The following UTRN variants were observed in gnomAD, a reference collection of about 807,000 sequenced individuals.
The protein encoded by UTRN is utrophin.
UTRN carries 283 observed loss-of-function variants against 463.9 expected under a neutral mutation model. The ratio of observed to expected loss-of-function variants is 0.61; its 90% CI spans 0.55 to 0.67. The LOEUF is 0.67. UTRN is among the 30% of genes least tolerant of loss of function. The pLI is 0.00. For synonymous variants in UTRN, 1,442 were observed against 1,431.5 expected, an observed-to-expected ratio of 1.01 and a Z score of -0.17; for missense variants, 3,922 against 4,084.3, an observed-to-expected ratio of 0.96 and a Z score of 1.08.
chr6:144,312,664 C>G (rs1385602782), intron 2 of UTRN, among the ~76,000 whole-genome samples: 3 of 152,148 alleles, frequency 2.0e-5, no homozygotes, highest in Non-Finnish European at 2.9e-5. Context: ...ATAGACTAAG[C>G]CTTTTCATGG....
intron 2 of UTRN, among the ~76,000 whole-genome samples, chr6:144,387,233 C>A (rs1252356422): frequency 6.6e-6 from 1 of 152,168 alleles, no homozygotes; most frequent in Non-Finnish European, 1.5e-5. Flanking sequence ...ACCTCCGCCT[C>A]CTGGGTTCAA....
At chr6:144,841,202 G>A (rs1287274702) in intron 73 of UTRN, among the ~76,000 whole-genome samples, 1 of 152,166 alleles carries the variant, frequency 6.6e-6, no homozygotes, top group Non-Finnish European at 1.5e-5. Context: ...GCCAAACAAG[G>A]CATGGAAACA....
intron 46 of UTRN, among the ~76,000 whole-genome samples, chr6:144,545,803 T>A (rs1798348010): frequency 6.6e-6 from 1 of 152,226 alleles, no homozygotes; most frequent in African/African-American, 2.4e-5. Context: ...GTGGATCACC[T>A]GAGGTCAGGA....
intron 2 of UTRN, among the ~76,000 whole-genome samples, chr6:144,328,069 C>T (rs1464745970): frequency 6.6e-6 from 1 of 152,122 alleles, no homozygotes; most frequent in Non-Finnish European, 1.5e-5. Flanking sequence ...GAGTGTAATA[C>T]ATTCCGCAAC....
chr6:144,636,872 A>T (rs1484517320), intron 51 of UTRN, among the ~76,000 whole-genome samples: 1 of 152,124 alleles, frequency 6.6e-6, no homozygotes, highest in African/African-American at 2.4e-5. Context: ...TTTAAGTTTG[A>T]TTACAAACTG....
At chr6:144,516,140 T>G (rs1795591738) in intron 37 of UTRN, 89 bp from the exon 38 acceptor site, 3 of 1,321,274 alleles carry the variant, frequency 2.3e-6, no homozygotes, top group Non-Finnish European at 3.2e-6. Flanking sequence ...AAAAAAGTGT[T>G]AGTTTCTCTC....
intron 51 of UTRN, among the ~76,000 whole-genome samples, chr6:144,649,029 A>G (rs2128665808): frequency 6.6e-6 from 1 of 152,312 alleles, no homozygotes; most frequent in African/African-American, 2.4e-5. Flanking sequence ...GGCAACATGT[A>G]AATAAGGTAC....
At chr6:144,490,455 A>G (rs754579789) in intron 31 of UTRN, among the ~76,000 whole-genome samples, 4 of 152,172 alleles carry the variant, frequency 2.6e-5, no homozygotes, top group Non-Finnish European at 5.9e-5. Flanking sequence ...TTAGCTTTAT[A>G]TACACTTTTT....
chr6:144,722,278 T>A (rs1360600045), intron 53 of UTRN, among the ~76,000 whole-genome samples: 1 of 151,902 alleles, frequency 6.6e-6, no homozygotes, highest in African/African-American at 2.4e-5. Flanking sequence ...AGATTGCTCT[T>A]TTGCCAGATA....
intron 9 of UTRN, among the ~76,000 whole-genome samples, chr6:144,434,601 G>A (rs142293723): frequency 9.7e-4 from 148 of 152,204 alleles, no homozygotes; most frequent in African/African-American, 3.5e-3. Context: ...GAAAATAGTG[G>A]GATATGAGAG....
intron 51 of UTRN, among the ~76,000 whole-genome samples, chr6:144,609,623 T>C (rs1358021620): frequency 6.6e-6 from 1 of 152,158 alleles, no homozygotes; most frequent in Non-Finnish European, 1.5e-5. Flanking sequence ...AGCAACAGAA[T>C]ACACGTTCTT....
rs9497056 is a variant in UTRN, at chr6:144,714,158, C to T, written c.7809+13915C>T. Among the ~76,000 whole-genome samples the T allele has an allele frequency of 3.7e-3, 569 of 152,100 alleles. 1 individual carries two copies. The highest frequency in any genetic ancestry group is 0.013 in the African/African-American group (528 of 41,496). ...TTTTTAAATTTTGTCTGCATACCAA[C>T]GGAAAGTAAGCCTGTTTTCTGTCTC... is the stretch of plus-strand genomic sequence containing the variant. On this transcript the variant is annotated intron_variant, in intron 53 of 74. Transcript: ENST00000367545.
intron 39 of UTRN, 151 bp downstream of exon 39, chr6:144,517,099 T>C (rs979599990): frequency 3.1e-6 from 2 of 642,522 alleles, no homozygotes; most frequent in Non-Finnish European, 4.5e-6. Flanking sequence ...TGTGTTCATA[T>C]TTTTGGATGG....
In UTRN at chr6:144,551,099, A is replaced by G; in HGVS notation, c.6928+17A>G. 6.4e-7 allele frequency: 1 copy of G among 1,571,212 alleles called. No individual in the cohort carries two copies. Reference sequence around the variant, plus strand: ...CAGAAAAATGTAAGTTTTTTAAAAAAAGTTATGTATTATCATCCACTTTCC... The same window carrying G: ...CAGAAAAATGTAAGTTTTTTAAAAAGAGTTATGTATTATCATCCACTTTCC... On this transcript the variant is annotated intron_variant, in intron 48 of 74. Coordinates refer to ENST00000367545, the MANE Select transcript of UTRN (RefSeq NM_007124.3).
At chr6:144,381,416 C>A (rs1421027318) in intron 2 of UTRN, among the ~76,000 whole-genome samples, 1 of 152,172 alleles carries the variant, frequency 6.6e-6, no homozygotes, top group Non-Finnish European at 1.5e-5. Flanking sequence ...TTTATCCAAT[C>A]CACCACTAAT....
chr6:144,362,668 C>A (rs1359972733), intron 2 of UTRN, among the ~76,000 whole-genome samples: 1 of 152,134 alleles, frequency 6.6e-6, no homozygotes, highest in Non-Finnish European at 1.5e-5. Flanking sequence ...TACACTTTGC[C>A]AAGACATGGA....
chr6:144,438,755 G>A lies in UTRN; in HGVS notation c.1252G>A (p.Val418Met). Residue 418 changes from valine (V) to methionine (M), a missense_variant, in exon 12 of 75, where the codon GTG becomes ATG. Transcript: ENST00000367545. ...GTTCCCCACGGACAGGCTGCACGAT[G>A]TGCTGATGGAACTGCAGAAGAAGCA... ...SMDRQSRLHD[V>M]LMELQKKQLQ... 1 of 1,614,200 alleles carries A rather than the reference G, an allele frequency of 6.2e-7. No individual in the cohort carries two copies. Among genetic ancestry groups the A allele is most frequent in the Non-Finnish European group, 8.5e-7 (1 of 1,180,038 alleles).
intron 74 of UTRN, among the ~76,000 whole-genome samples, chr6:144,848,031 T>C (rs1782168483): frequency 6.6e-6 from 1 of 152,172 alleles, no homozygotes; most frequent in Admixed American, 6.5e-5. Context: ...GGATCTTAAC[T>C]AAAAGACAAG....
chr6:144,443,515 A>G (rs892002004), intron 13 of UTRN, among the ~76,000 whole-genome samples: 10 of 152,178 alleles, frequency 6.6e-5, no homozygotes, highest in African/African-American at 2.4e-4. Flanking sequence ...ATAGTATAAT[A>G]TGAATTAAAT....
Sources: allele counts gnomAD v4.1 joint callset (sites outside exome capture counted in the v4.1 genomes callset), GRCh38; gene constraint gnomAD v4.1.1; transcripts MANE v1.5; gene names NCBI Gene and HGNC (gene_info 2026-07-23, HGNC 2026-07-21).